RAPGEF6: variants seen among roughly 807,000 people sequenced by gnomAD.
The protein encoded by RAPGEF6 is PDZ domain containing guanine nucleotide exchange factor (GEF) 2.
Under a neutral mutation model 171.4 loss-of-function variants are expected in RAPGEF6, and 56 were observed. That is an observed-to-expected ratio of 0.33 (90% confidence interval 0.26 to 0.41). The LOEUF is 0.41. RAPGEF6 is among the 10% of genes least tolerant of loss of function. RAPGEF6 has a pLI of 1.00. For missense variants in RAPGEF6, 1,674 were observed against 1,921.4 expected (o/e 0.87, Z 2.41); for synonymous variants, 692 against 650.1 (o/e 1.06, Z -0.98).
intron 4 of RAPGEF6, among the ~76,000 whole-genome samples, chr5:131,572,228 C>T (rs371679425): frequency 6.6e-6 from 1 of 152,224 alleles, no homozygotes; most frequent in East Asian, 1.9e-4. Flanking sequence ...CCTCACGCTC[C>T]CTCCGTGAGG....
At chr5:131,490,345 G>T (rs999375300) in intron 14 of RAPGEF6, among the ~76,000 whole-genome samples, 5 of 151,742 alleles carry the variant, frequency 3.3e-5, no homozygotes, top group African/African-American at 7.3e-5. Flanking sequence ...ATAAGAAAAA[G>T]AGTGAAAAAA....
intron 17 of RAPGEF6, among the ~76,000 whole-genome samples, chr5:131,467,438 T>C (rs1754437005): frequency 6.6e-6 from 1 of 152,094 alleles, no homozygotes; most frequent in African/African-American, 2.4e-5. Flanking sequence ...CAGAGGAAAA[T>C]CTTTCTCTGC....
intron 6 of RAPGEF6, among the ~76,000 whole-genome samples, chr5:131,527,202 G>A (rs1376316602): frequency 6.6e-6 from 1 of 152,074 alleles, no homozygotes; most frequent in Non-Finnish European, 1.5e-5. Context: ...AGTATACAGA[G>A]ACTCAGATAT....
At chr5:131,453,020 C>T (rs374378035) in intron 21 of RAPGEF6, 34 bp downstream of exon 21, 3 of 1,580,062 alleles carry the variant, frequency 1.9e-6, no homozygotes, top group Non-Finnish European at 2.6e-6. Flanking sequence ...CCCTTGATAC[C>T]ACTCTAACAC....
At chr5:131,450,444 C>T (rs1455297340) in intron 21 of RAPGEF6, among the ~76,000 whole-genome samples, 1 of 151,884 alleles carries the variant, frequency 6.6e-6, no homozygotes, top group East Asian at 1.9e-4. Flanking sequence ...GATTTTTGGG[C>T]CACTCATTTA....
At chr5:131,548,317 A>G in intron 5 of RAPGEF6, 127 bp from the exon 6 acceptor site, 1 of 850,678 alleles carries the variant, frequency 1.2e-6, no homozygotes, top group Non-Finnish European at 1.8e-6. Flanking sequence ...TCAAGAAAAC[A>G]GTCTGTATAG....
Position 131,426,731 on chromosome 5 carries a change from T to C in RAPGEF6, c.*535A>G. The C allele has an allele frequency of 6.1e-6, 1 of 165,156 alleles. No individual in the cohort carries two copies. Among genetic ancestry groups the C allele is most frequent in the Non-Finnish European group, 1.3e-5 (1 of 77,124 alleles). The allele number at this position is 165,156 out of a possible 1,614,324, so 10.2% of individuals were successfully genotyped here. A position where few individuals can be genotyped will look rare whatever the true frequency, so the allele number is the denominator to read the frequency against. ...TCACCTCTGTAAAGATGACTTCTGT[T>C]TGGTCAGACCAGAGACAATTTTATG... On this transcript the variant is annotated 3_prime_UTR_variant, in exon 28 of 28. Transcript: ENST00000509018.
intron 3 of RAPGEF6, among the ~76,000 whole-genome samples, chr5:131,592,969 T>TA (rs1339923692): frequency 6.6e-6 from 1 of 152,148 alleles, no homozygotes; most frequent in Non-Finnish European, 1.5e-5. Context: ...GTGATACAAT[T>TA]AAAGATAATA....
At chr5:131,532,359 C>T (rs1759447829) in intron 6 of RAPGEF6, 1 of 227,474 alleles carries the variant, frequency 4.4e-6, no homozygotes, top group South Asian at 4.9e-5. Context: ...ACAAGCAAAT[C>T]ACAGTAAATG....
At chr5:131,436,290 C>T in intron 24 of RAPGEF6, 1 of 1,537,498 alleles carries the variant, frequency 6.5e-7, no homozygotes, top group South Asian at 1.2e-5. Context: ...TCCTGGTAAT[C>T]TGAAGGATTT....
rs898686761 is a variant in RAPGEF6 at position 131,489,771 on chromosome 5, G to C, written c.1732-117C>G. 2.7e-5 allele frequency: 14 copies of C among 522,078 alleles called. No individual in the cohort carries two copies. In the Admixed American group the frequency reaches 4.0e-4, roughly 15 times the overall value. 32.3% of individuals were successfully genotyped at this position (522,078 alleles called of 1,614,324 possible). A position where few individuals can be genotyped will look rare whatever the true frequency, so the allele number is the denominator to read the frequency against. Reference sequence around the variant, plus strand: ...ACTTGAATAAAATGTACTCCTATGTGAACAACAGTTATCTCTGTGAGAAGC... The same window carrying C: ...ACTTGAATAAAATGTACTCCTATGTCAACAACAGTTATCTCTGTGAGAAGC... On this transcript the variant is annotated intron_variant, in intron 14 of 27. Coordinates refer to ENST00000509018, the MANE Select transcript of RAPGEF6 (RefSeq NM_016340.6).
Position 131,505,474 on chromosome 5 carries a change from G to A in RAPGEF6, c.991C>T (p.Pro331Ser), listed in dbSNP as rs201819833. Residue 331 changes from proline (P) to serine (S), a missense_variant, in exon 10 of 28, where the codon CCA (proline) becomes TCA (serine). This residue lies in a region of RAPGEF6 where 1,116 missense variants were observed against 1,321.5 expected (regional missense o/e 0.84). Coordinates refer to ENST00000509018, the MANE Select transcript of RAPGEF6 (RefSeq NM_016340.6). ...AACAAATTTTCAACTTTTCCATCTG[G>A]ATGACTGATTTCCACAGTGCCGTTT... ...ILNGTVEISH[P>S]DGKVENLFMG... The A allele has an allele frequency of 3.1e-5, 50 of 1,613,532 alleles. No homozygotes were observed. In the East Asian group the frequency reaches 1.1e-3, roughly 35 times the overall value.
chr5:131,529,035 C>T (rs913963651), intron 6 of RAPGEF6, among the ~76,000 whole-genome samples: 3 of 152,048 alleles, frequency 2.0e-5, no homozygotes, highest in East Asian at 1.9e-4. Context: ...TAAACAGTCA[C>T]CTCAAACAAG....
At chr5:131,558,355 C>T (rs529110234) in intron 5 of RAPGEF6, among the ~76,000 whole-genome samples, 1 of 151,814 alleles carries the variant, frequency 6.6e-6, no homozygotes, top group Non-Finnish European at 1.5e-5. Flanking sequence ...CTTCCTGATA[C>T]TGATTGTATG....
In RAPGEF6 at chr5:131,461,863, C is replaced by T. The variant is rs376502789; in HGVS notation, c.2706G>A (p.Arg902=). 44 of 1,614,090 alleles carry T rather than the reference C, an allele frequency of 2.7e-5. No individual in the cohort carries two copies. In the African/African-American group the frequency reaches 4.9e-4, roughly 18 times the overall value. The stretch of plus-strand genomic sequence containing the variant: ...TCTCTTGGTTTACAATGTCCTCAAA[C>T]CTCTTCAAATGAGTATTTCCTGTTT... The part of the protein sequence containing the change: ...NSKTGNTHLK[R]FEDIVNQETF... The change falls in exon 19 of 28, where the codon AGG becomes AGA. Residue 902 remains arginine (R), a synonymous_variant. Coordinates refer to ENST00000509018, the MANE Select transcript of RAPGEF6 (RefSeq NM_016340.6).
rs193190712 is a variant in RAPGEF6 at position 131,559,012 on chromosome 5, T to A, written c.351+2966A>T. 3.3e-5 allele frequency among the ~76,000 whole-genome samples: 5 copies of A among 152,270 alleles called. No homozygotes were observed. In the East Asian group the frequency reaches 9.7e-4, roughly 29 times the overall value. On this transcript the variant is annotated intron_variant, in intron 5 of 27. Coordinates refer to ENST00000509018, the MANE Select transcript of RAPGEF6 (RefSeq NM_016340.6). ...CCTTACTGACTCATGGTGGTTGTTTTGTCAGTTACTTTAGAGGTATATTAA... is the reference window on the plus strand; with the variant it reads ...CCTTACTGACTCATGGTGGTTGTTTAGTCAGTTACTTTAGAGGTATATTAA...
At chr5:131,476,058 G>A (rs1755070130) in intron 16 of RAPGEF6, among the ~76,000 whole-genome samples, 1 of 152,062 alleles carries the variant, frequency 6.6e-6, no homozygotes, top group South Asian at 2.1e-4. Flanking sequence ...GAGAAGGAAG[G>A]GAAAAATTAC....
In RAPGEF6 at chr5:131,489,859, T is replaced by C. The variant is rs1475783255; in HGVS notation, c.1732-205A>G. ...TTTCCAAATTCTTTACTATAAACTT[T>C]TTTTTTTTTGACAGTTAATGCCCTC... On this transcript the variant is annotated intron_variant, in intron 14 of 27. Coordinates refer to ENST00000509018, the MANE Select transcript of RAPGEF6 (RefSeq NM_016340.6). Among the ~76,000 whole-genome samples, 7 of 152,020 alleles carry C rather than the reference T, an allele frequency of 4.6e-5. No individual in the cohort carries two copies. In the South Asian group the frequency reaches 6.2e-4, roughly 13 times the overall value.
intron 24 of RAPGEF6, 115 bp downstream of exon 24, chr5:131,439,466 A>T: frequency 7.0e-7 from 1 of 1,433,738 alleles, no homozygotes; most frequent in Non-Finnish European, 9.2e-7. Context: ...AAAAAGCATT[A>T]GGAGTTATGC....
Sources: allele counts gnomAD v4.1 joint callset (sites outside exome capture counted in the v4.1 genomes callset), GRCh38; gene constraint gnomAD v4.1.1; regional missense constraint gnomAD v4.1.1; transcripts MANE v1.5; gene names NCBI Gene and HGNC (gene_info 2026-07-23, HGNC 2026-07-21).